Variants in TMEM163 observed in about 807,000 individuals in gnomAD.
TMEM163 encodes transmembrane protein 163.
In TMEM163, 17 loss-of-function variants were observed where a neutral mutation model predicts 29.3. That is an observed-to-expected ratio of 0.58 (90% confidence interval 0.40 to 0.87). The LOEUF (loss-of-function observed/expected upper bound fraction) is 0.87, where lower values mean the gene tolerates loss of function less well. Ranked by LOEUF, TMEM163 falls within the 40% of genes least tolerant of loss-of-function variation. The probability of loss-of-function intolerance (pLI) is 0.00; values close to 1 mark genes in which losing one functional copy is unlikely to be tolerated. For missense variants in TMEM163, 303 were observed against 381.5 expected (o/e 0.79, Z 1.71); for synonymous variants, 157 against 160.6 (o/e 0.98, Z 0.17).
rs78357941 is a variant in TMEM163, at chr2:134,550,515, G to A, written c.458+55C>T. The A allele has an allele frequency of 7.1e-3, 10,884 of 1,542,468 alleles. 568 individuals carry two copies. In the African/African-American group the frequency reaches 0.12, roughly 17 times the overall value. On this transcript the variant is annotated intron_variant, in intron 4 of 7. Transcript: ENST00000281924. ...CAAGCTGTGTTGAGGGCCTCATTCC[G>A]TGGCCTTCATCTGCACGGGTTCTTC...
At chr2:134,619,957 C>T (rs1682693479) in intron 2 of TMEM163, among the ~76,000 whole-genome samples, 1 of 152,038 alleles carries the variant, frequency 6.6e-6, no homozygotes, top group Non-Finnish European at 1.5e-5. Flanking sequence ...GAATAAAACA[C>T]TTAGAAGCAA....
chr2:134,543,447 T>G (rs1404745615), intron 4 of TMEM163, among the ~76,000 whole-genome samples: 2 of 152,200 alleles, frequency 1.3e-5, no homozygotes, highest in African/African-American at 4.8e-5. Context: ...ACTAGACAAG[T>G]GTGGAATAAA....
chr2:134,682,342 A>C (rs1251833060), intron 2 of TMEM163, among the ~76,000 whole-genome samples: 1 of 152,154 alleles, frequency 6.6e-6, no homozygotes, highest in Non-Finnish European at 1.5e-5. Context: ...TTGTTTGGGG[A>C]GAGGCCAAGA....
At chr2:134,529,896 A>G (rs1376408881) in intron 4 of TMEM163, among the ~76,000 whole-genome samples, 2 of 152,030 alleles carry the variant, frequency 1.3e-5, no homozygotes, top group Non-Finnish European at 2.9e-5. Context: ...CGAGTAACCA[A>G]GCAGAAGCTG....
chr2:134,596,703 C>G (rs1682091930), intron 2 of TMEM163, among the ~76,000 whole-genome samples: 1 of 152,082 alleles, frequency 6.6e-6, no homozygotes. Context: ...TTACCTTAGG[C>G]AGTATGGCCA....
At chr2:134,683,344 G>A (rs915367824) in intron 2 of TMEM163, among the ~76,000 whole-genome samples, 14 of 151,782 alleles carry the variant, frequency 9.2e-5, no homozygotes, top group African/African-American at 3.4e-4. Context: ...TGTGTTTATG[G>A]GGGCAGAGTA....
chr2:134,650,278 A>G (rs1323765796), intron 2 of TMEM163, among the ~76,000 whole-genome samples: 1 of 152,016 alleles, frequency 6.6e-6, no homozygotes, highest in Non-Finnish European at 1.5e-5. Context: ...CTTCTCTATC[A>G]TATATATTTT....
intron 2 of TMEM163, among the ~76,000 whole-genome samples, chr2:134,622,601 A>G (rs1377327907): frequency 6.6e-6 from 1 of 152,196 alleles, no homozygotes; most frequent in Non-Finnish European, 1.5e-5. Context: ...AAAATTACAA[A>G]TGCAGCACAG....
intron 2 of TMEM163, among the ~76,000 whole-genome samples, chr2:134,667,812 C>T (rs1281072227): frequency 6.6e-6 from 1 of 152,216 alleles, no homozygotes; most frequent in African/African-American, 2.4e-5. Context: ...CACAGTTAAT[C>T]GTTACATCTC....
intron 5 of TMEM163, among the ~76,000 whole-genome samples, chr2:134,473,798 ACAAAT>A (rs1333013126): frequency 6.6e-6 from 1 of 152,214 alleles, no homozygotes; most frequent in Non-Finnish European, 1.5e-5. Context: ...GAAGAAATAG[ACAAAT>A]CAAACGTCAT....
rs544619371 is a variant in TMEM163, at chr2:134,588,861, C to T, written c.323-36770G>A. 2.6e-5 allele frequency among the ~76,000 whole-genome samples: 4 copies of T among 152,056 alleles called. No individual in the cohort carries two copies. In the East Asian group the frequency reaches 5.8e-4, roughly 22 times the overall value. ...GCAAAACGTTGGGGGGGGAAGAGGC[C>T]ATTCGGTGGGGAGGAAGAGGACCAG... is the stretch of plus-strand genomic sequence containing the variant. On this transcript the variant is annotated intron_variant, in intron 2 of 7. Coordinates refer to ENST00000281924, the MANE Select transcript of TMEM163 (RefSeq NM_030923.5).
At chr2:134,565,426 T>C (rs1012744354) in intron 2 of TMEM163, among the ~76,000 whole-genome samples, 145 of 151,974 alleles carry the variant, frequency 9.5e-4, no homozygotes, top group African/African-American at 3.4e-3. Context: ...GCCAACATGG[T>C]GAAACCTCGT....
chr2:134,703,502 C>A (rs934371229), intron 2 of TMEM163, among the ~76,000 whole-genome samples: 1 of 152,086 alleles, frequency 6.6e-6, no homozygotes, highest in Non-Finnish European at 1.5e-5. Context: ...TCATACTTCA[C>A]CCTATGGCTC....
intron 2 of TMEM163, among the ~76,000 whole-genome samples, chr2:134,705,695 C>T (rs370839973): frequency 3.3e-5 from 5 of 152,296 alleles, no homozygotes; most frequent in East Asian, 3.9e-4. Flanking sequence ...AGAAGAGCTA[C>T]GGCAGAAATT....
At chr2:134,626,507 C>G (rs1407680126) in intron 2 of TMEM163, among the ~76,000 whole-genome samples, 1 of 152,200 alleles carries the variant, frequency 6.6e-6, no homozygotes, top group Non-Finnish European at 1.5e-5. Flanking sequence ...CCTTGACCCT[C>G]CTGCCACTCT....
intron 2 of TMEM163, among the ~76,000 whole-genome samples, chr2:134,566,670 T>A (rs1681307269): frequency 6.6e-6 from 1 of 152,176 alleles, no homozygotes; most frequent in African/African-American, 2.4e-5. Flanking sequence ...TTGGAGATGT[T>A]TATCAAAATG....
chr2:134,699,932 T>A (rs1033685111), intron 2 of TMEM163, among the ~76,000 whole-genome samples: 1 of 152,228 alleles, frequency 6.6e-6, no homozygotes, highest in Non-Finnish European at 1.5e-5. Context: ...TACATCAACT[T>A]TATCTTGTTA....
chr2:134,520,888 G>C (rs1680175855), intron 4 of TMEM163, among the ~76,000 whole-genome samples: 1 of 152,286 alleles, frequency 6.6e-6, no homozygotes, highest in South Asian at 2.1e-4. Flanking sequence ...TCTGATTCCT[G>C]GGCTCCCCCT....
At chr2:134,622,226 T>C (rs1682754781) in intron 2 of TMEM163, among the ~76,000 whole-genome samples, 1 of 152,184 alleles carries the variant, frequency 6.6e-6, no homozygotes, top group Admixed American at 6.5e-5. Flanking sequence ...TACAATGGAA[T>C]AATGGTGATA....
Sources: allele counts gnomAD v4.1 joint callset (sites outside exome capture counted in the v4.1 genomes callset), GRCh38; gene constraint gnomAD v4.1.1; transcripts MANE v1.5; gene names NCBI Gene and HGNC (gene_info 2026-07-23, HGNC 2026-07-21).